Variants in UHRF1 observed in about 807,000 individuals in gnomAD.
The protein encoded by UHRF1 is E3 ubiquitin-protein ligase UHRF1.
A neutral mutation model predicts 96.5 loss-of-function variants in UHRF1; 9 were observed. The observed-to-expected ratio is 0.09, with a 90% CI of 0.06 to 0.16. UHRF1 has a LOEUF of 0.16. Among genes scored for constraint, UHRF1 ranks in the 10% least tolerant of loss-of-function variants. The probability of loss-of-function intolerance (pLI) is 1.00; values close to 1 mark genes in which losing one functional copy is unlikely to be tolerated. For missense variants in UHRF1, 626 were observed against 1,131.1 expected (o/e 0.55, Z 6.40); for synonymous variants, 455 against 469.9 (o/e 0.97, Z 0.41).
intron 15 of UHRF1, among the ~76,000 whole-genome samples, chr19:4,956,185 C>T (rs2033851687): frequency 6.6e-6 from 1 of 152,208 alleles, no homozygotes; most frequent in Non-Finnish European, 1.5e-5. Context: ...CTCACCTCAG[C>T]CTCCCAAAGT....
intron 2 of UHRF1, among the ~76,000 whole-genome samples, chr19:4,914,853 G>C (rs1022797146): frequency 2.6e-5 from 4 of 152,102 alleles, no homozygotes; most frequent in African/African-American, 9.7e-5. Flanking sequence ...ATTCAATGAG[G>C]TTGTGGATTT....
intron 9 of UHRF1, among the ~76,000 whole-genome samples, chr19:4,945,197 A>G (rs1025344074): frequency 2.0e-5 from 3 of 152,138 alleles, no homozygotes; most frequent in Non-Finnish European, 4.4e-5. Flanking sequence ...GGCAGGCTGC[A>G]CCTCAACCGG....
chr19:4,956,882 A>T, intron 16 of UHRF1, 69 bp downstream of exon 16: 1 of 1,092,496 alleles, frequency 9.2e-7, no homozygotes, highest in African/African-American at 1.6e-5. Context: ...CCGTTCCCAC[A>T]TGCCTGCCAC....
intron 2 of UHRF1, among the ~76,000 whole-genome samples, chr19:4,923,711 A>T (rs2032776563): frequency 6.6e-6 from 1 of 152,046 alleles, no homozygotes; most frequent in African/African-American, 2.4e-5. Flanking sequence ...ACACTGGGGG[A>T]TGTCTGGGGA....
rs995337677 is a variant in UHRF1 at position 4,954,052 on chromosome 19, G to C, written c.1819-298G>C. On this transcript the variant is annotated intron_variant, in intron 13 of 16. Coordinates refer to ENST00000650932, the MANE Select transcript of UHRF1 (RefSeq NM_001048201.3). The surrounding 1 kb of genome is among the most constrained non-coding windows in gnomAD (Gnocchi z 5.9). Reference sequence around the variant, plus strand: ...CGTGATGTGAGGTGGCTGTAAAGGGGGAGGAAGGGGCCCCGAGCCGAGGGA... The same window carrying C: ...CGTGATGTGAGGTGGCTGTAAAGGGCGAGGAAGGGGCCCCGAGCCGAGGGA... 6.6e-6 allele frequency among the ~76,000 whole-genome samples: 1 copy of C among 152,166 alleles called. No homozygotes were observed. Among genetic ancestry groups the C allele is most frequent in the Non-Finnish European group, 1.5e-5 (1 of 68,044 alleles).
intron 15 of UHRF1, among the ~76,000 whole-genome samples, 198 bp downstream of exon 15, chr19:4,955,020 CTG>C (rs757468294): frequency 3.9e-5 from 6 of 152,152 alleles, no homozygotes; most frequent in Non-Finnish European, 7.3e-5. Context: ...GGCCCTGAAA[CTG>C]TCACTCCCAC....
chr19:4,950,519 C>G, intron 11 of UHRF1, 92 bp from the exon 12 acceptor site: 1 of 1,396,850 alleles, frequency 7.2e-7, no homozygotes, highest in Admixed American at 2.5e-5. Context: ...GCTGGGATTA[C>G]AGGCCTGAGC....
intron 15 of UHRF1, among the ~76,000 whole-genome samples, chr19:4,955,675 C>G (rs1009722671): frequency 5.3e-5 from 8 of 152,214 alleles, no homozygotes; most frequent in African/African-American, 1.9e-4. Flanking sequence ...GCCCCTAGAC[C>G]TTCACTTGTG....
intron 7 of UHRF1, among the ~76,000 whole-genome samples, chr19:4,943,191 G>A (rs2033458439): frequency 6.6e-6 from 1 of 151,966 alleles, no homozygotes; most frequent in African/African-American, 2.4e-5. Flanking sequence ...CGTGAACTGA[G>A]ATCGCGCCAC....
chr19:4,941,539 T>G lies in UHRF1; in HGVS notation c.797T>G (p.Leu266Arg). The G allele has an allele frequency of 6.2e-7, 1 of 1,613,296 alleles. No homozygotes were observed. Among genetic ancestry groups the G allele is most frequent in the Non-Finnish European group, 8.5e-7 (1 of 1,179,562 alleles). Reference protein sequence around the residue: ...YANVVLGDDSLNDCRIIFVDE... With the variant: ...YANVVLGDDSRNDCRIIFVDE... ...CTCGTTCCTTGCAGGGATGATTCTC[T>G]GAACGACTGTCGGATCATCTTCGTG... is the stretch of plus-strand genomic sequence containing the variant. The change falls in exon 6 of 17, where the codon CTG (leucine) becomes CGG (arginine). Residue 266 changes from leucine (L) to arginine (R), a missense_variant. Physicochemically the swap from Leu to Arg is moderately radical, Grantham distance 102 (BLOSUM62 -2). Around this residue, in one of 11 missense-constraint regions of UHRF1, gnomAD observed 198 missense variants for 235.1 expected, o/e 0.84. Transcript: ENST00000650932.
chr19:4,959,417 C>T (rs577826010), intron 16 of UHRF1, among the ~76,000 whole-genome samples: 26 of 152,332 alleles, frequency 1.7e-4, no homozygotes, highest in African/African-American at 4.3e-4. Context: ...ATGTGGTCAC[C>T]GCCCTCGCCC....
rs565630633 is a variant in UHRF1 at position 4,930,236 on chromosome 19, A to G, written c.409-480A>G. On this transcript the variant is annotated intron_variant, in intron 3 of 16. Transcript: ENST00000650932. The surrounding 1 kb of genome is among the most constrained non-coding windows in gnomAD (Gnocchi z 4.4). ...GTGATCTTCCCGCCGCAGCCTCCCA[A>G]AGTGCTGGAATTATAGGTGTGAGCC... is the stretch of plus-strand genomic sequence containing the variant. Among the ~76,000 whole-genome samples the G allele has an allele frequency of 1.3e-5, 2 of 152,198 alleles. No individual in the cohort carries two copies. The highest frequency in any genetic ancestry group is 1.3e-4 in the Admixed American group (2 of 15,298).
intron 2 of UHRF1, among the ~76,000 whole-genome samples, chr19:4,919,750 T>C (rs963841243): frequency 6.6e-6 from 1 of 152,150 alleles, no homozygotes; most frequent in Admixed American, 6.6e-5. Context: ...CTTCACTAGG[T>C]TCAATGATAG....
intron 11 of UHRF1, among the ~76,000 whole-genome samples, chr19:4,948,658 T>C (rs1369311084): frequency 6.6e-6 from 1 of 151,384 alleles, no homozygotes; most frequent in African/African-American, 2.4e-5. Context: ...AAAAATTAGC[T>C]GGGTGTGGTG....
intron 10 of UHRF1, 25 bp downstream of exon 10, chr19:4,945,990 G>A (rs771577321): frequency 5.6e-6 from 7 of 1,259,162 alleles, no homozygotes; most frequent in African/African-American, 1.5e-5. Context: ...GGGAGGGGTG[G>A]GGGAGGGTTG....
chr19:4,929,085 T>C, intron 2 of UHRF1, 137 bp from the exon 3 acceptor site: 1 of 1,258,314 alleles, frequency 7.9e-7, no homozygotes, highest in Admixed American at 2.3e-5. Context: ...GGCCCAGGTA[T>C]CATGGCTCTT....
chr19:4,906,190 G>A (rs372233403), upstream of UHRF1, among the ~76,000 whole-genome samples: 5 of 152,190 alleles, frequency 3.3e-5, no homozygotes, highest in African/African-American at 1.2e-4. Flanking sequence ...CGTTGCCCAA[G>A]CTGGTCTCAA....
chr19:4,946,108 A>T, intron 10 of UHRF1, 143 bp downstream of exon 10: 1 of 615,084 alleles, frequency 1.6e-6, no homozygotes. Context: ...ATTGCTATGC[A>T]ACCATCACCA....
rs17881769 is a variant in UHRF1, at chr19:4,953,050, A to G, written c.1819-1300A>G. Among the ~76,000 whole-genome samples the G allele has an allele frequency of 9.7e-3, 1,471 of 152,226 alleles. 32 individuals carry two copies. The highest frequency in any genetic ancestry group is 0.034 in the African/African-American group (1,394 of 41,536). On this transcript the variant is annotated intron_variant, in intron 13 of 16. Transcript: ENST00000650932. Reference sequence around the variant, plus strand: ...GAAATCGTAAAGACAACGAGATCTTATTGGTGGGATGTGATGCTGAACACG... The same window carrying G: ...GAAATCGTAAAGACAACGAGATCTTGTTGGTGGGATGTGATGCTGAACACG...
Sources: gnomAD v4.1 joint callset for allele counts (sites outside exome capture counted in the v4.1 genomes callset) on GRCh38, gnomAD v4.1.1 for gene constraint, gnomAD v4.1.1 regional missense constraint, Gnocchi (gnomAD v3.1) non-coding constraint, MANE v1.5 for transcripts, NCBI Gene and HGNC (gene_info 2026-07-23, HGNC 2026-07-21) for gene names.